The following MTOR variants were observed in gnomAD, a reference collection of about 807,000 sequenced individuals.
The protein encoded by MTOR is mechanistic target of rapamycin kinase.
In MTOR, 70 loss-of-function variants were observed where a neutral mutation model predicts 319.8. The observed-to-expected ratio is 0.22, with a 90% CI of 0.18 to 0.27. The LOEUF is 0.27. MTOR is among the 10% of genes least tolerant of loss of function. The pLI is 1.00. For synonymous variants in MTOR, 1,183 were observed against 1,211.4 expected (o/e 0.98, Z 0.49); for missense variants, 1,890 against 3,274.4 (o/e 0.58, Z 10.32).
chr1:11,183,868 T>C (rs1440844373), intron 28 of MTOR, among the ~76,000 whole-genome samples: 1 of 152,190 alleles, frequency 6.6e-6, no homozygotes, highest in Non-Finnish European at 1.5e-5. Flanking sequence ...GACTTAGCAG[T>C]CCTTTCCTCA....
At chr1:11,140,439 C>T (rs1168551654) in intron 34 of MTOR, among the ~76,000 whole-genome samples, 1 of 152,170 alleles carries the variant, frequency 6.6e-6, no homozygotes, top group Non-Finnish European at 1.5e-5. Context: ...TCCAATGTGG[C>T]TGCCGATCTG....
intron 53 of MTOR, among the ~76,000 whole-genome samples, chr1:11,113,892 G>T (rs1403693247): frequency 6.6e-6 from 1 of 152,184 alleles, no homozygotes; most frequent in Non-Finnish European, 1.5e-5. Context: ...CATGGGGATG[G>T]TTCCTCCATG....
chr1:11,210,566 C>T (rs1646278068), intron 24 of MTOR, among the ~76,000 whole-genome samples: 1 of 152,144 alleles, frequency 6.6e-6, no homozygotes, highest in Non-Finnish European at 1.5e-5. Context: ...ATTTAGGTGT[C>T]CATAAATAAA....
chr1:11,172,652 C>T (rs1247428142), intron 28 of MTOR, among the ~76,000 whole-genome samples: 4 of 151,270 alleles, frequency 2.6e-5, no homozygotes, highest in African/African-American at 4.8e-5. Flanking sequence ...GGGCGGATCA[C>T]GAGGTCAGGA....
intron 37 of MTOR, 23 bp downstream of exon 37, chr1:11,134,328 C>A (rs1241187842): frequency 6.2e-7 from 1 of 1,606,586 alleles, no homozygotes; most frequent in Non-Finnish European, 8.5e-7. Flanking sequence ...ATATGACTTG[C>A]CCCAGGTCAG....
Position 11,121,582 on chromosome 1 carries a change from G to A in MTOR, c.6811-214C>T, listed in dbSNP as rs1007853727. ...ACCCCAAGGCATAAGGGAAAAACAC[G>A]AGACTTCACCTCAGTTATAGGCCTT... is the stretch of plus-strand genomic sequence containing the variant. On this transcript the variant is annotated intron_variant, in intron 48 of 57. Coordinates refer to ENST00000361445, the MANE Select transcript of MTOR (RefSeq NM_004958.4). This position sits in a 1 kb window ranked among gnomAD's most constrained non-coding sequence, Gnocchi z 4.9. Among the ~76,000 whole-genome samples, 1 of 152,190 alleles carries A rather than the reference G, an allele frequency of 6.6e-6. No homozygotes were observed.
chr1:11,258,045 G>A (rs945557676), intron 3 of MTOR, among the ~76,000 whole-genome samples: 2 of 151,866 alleles, frequency 1.3e-5, no homozygotes, highest in Non-Finnish European at 2.9e-5. Flanking sequence ...AGGAGGCGGA[G>A]GTTGCAGCAA....
intron 19 of MTOR, among the ~76,000 whole-genome samples, chr1:11,222,622 AT>A (rs1370999833): frequency 4.6e-5 from 7 of 152,192 alleles, no homozygotes; most frequent in Admixed American, 2.0e-4. Flanking sequence ...TACAGCCACC[AT>A]GCCCAGCCAA....
chr1:11,226,937 G>A (rs1477623277), intron 19 of MTOR, among the ~76,000 whole-genome samples: 4 of 39,118 alleles, frequency 1.0e-4, no homozygotes, highest in Admixed American at 4.7e-4. Flanking sequence ...CCCCGCCCCC[G>A]CCCACCAGAC....
chr1:11,151,775 T>C (rs1169626295), intron 30 of MTOR, among the ~76,000 whole-genome samples: 1 of 152,180 alleles, frequency 6.6e-6, no homozygotes, highest in Non-Finnish European at 1.5e-5. Flanking sequence ...CTTCCAACCC[T>C]ATAGTTCAAA....
intron 5 of MTOR, among the ~76,000 whole-genome samples, chr1:11,255,283 TGAGGCAGGAGAATCACTTGAACCCAG>T (rs2100971553): frequency 6.8e-6 from 1 of 146,724 alleles, no homozygotes; most frequent in South Asian, 2.1e-4. Flanking sequence ...CTCGGGAGGC[TGAGGCAGGAGAATCACTTGAACCCAG>T]GAGGCAGAGG....
At chr1:11,151,263 C>T (rs1325333932) in intron 30 of MTOR, among the ~76,000 whole-genome samples, 4 of 152,186 alleles carry the variant, frequency 2.6e-5, no homozygotes, top group Non-Finnish European at 5.9e-5. Flanking sequence ...CGCAGTACAG[C>T]AGATATTAAC....
intron 28 of MTOR, chr1:11,194,405 G>C: frequency 6.5e-7 from 1 of 1,547,110 alleles, no homozygotes; most frequent in African/African-American, 1.4e-5. Context: ...GGGGTATAGA[G>C]ACAGCATGAA....
chr1:11,229,859 C>T (rs1646961318), intron 18 of MTOR, among the ~76,000 whole-genome samples: 1 of 152,076 alleles, frequency 6.6e-6, no homozygotes. Flanking sequence ...CGCCTGTAGT[C>T]CCAGCTACTT....
intron 25 of MTOR, 144 bp from the exon 26 acceptor site, chr1:11,204,847 A>C (rs1646087738): frequency 9.9e-7 from 1 of 1,005,760 alleles, no homozygotes; most frequent in Non-Finnish European, 1.4e-6. Context: ...CAAATACAAA[A>C]GAATAATATT....
chr1:11,257,248 A>G, intron 3 of MTOR, 83 bp from the exon 4 acceptor site: 1 of 1,239,422 alleles, frequency 8.1e-7, no homozygotes, highest in Non-Finnish European at 1.1e-6. Flanking sequence ...AAAGCTGGTG[A>G]GTGCCGGCCA....
Position 11,172,211 on chromosome 1 carries a change from C to A in MTOR, c.4254-4694G>T, listed in dbSNP as rs535378763. Among the ~76,000 whole-genome samples, 50 of 152,104 alleles carry A rather than the reference C, an allele frequency of 3.3e-4. No individual in the cohort carries two copies. The South Asian group carries it at 8.3e-3, about 25-fold the overall frequency. On this transcript the variant is annotated intron_variant, in intron 28 of 57. Coordinates refer to ENST00000361445, the MANE Select transcript of MTOR (RefSeq NM_004958.4). Reference sequence around the variant, plus strand: ...AGTGGCCATTAAACTTGGGGGTGCACCTTGGGATCCATGATAAGCTCTTAT... The same window carrying A: ...AGTGGCCATTAAACTTGGGGGTGCAACTTGGGATCCATGATAAGCTCTTAT...
intron 28 of MTOR, chr1:11,195,329 C>T (rs1458803576): frequency 1.2e-4 from 33 of 275,374 alleles, no homozygotes; most frequent in Admixed American, 1.2e-3. Context: ...CATGATTTGT[C>T]TGTGAAAGAA....
At chr1:11,119,689 T>G (rs1215121935) in intron 49 of MTOR, among the ~76,000 whole-genome samples, 2 of 146,654 alleles carry the variant, frequency 1.4e-5, no homozygotes, top group African/African-American at 5.1e-5. Flanking sequence ...GAGTATGTAG[T>G]GAGCCGAGAT....
Sources: gnomAD v4.1 joint callset for allele counts (sites outside exome capture counted in the v4.1 genomes callset) on GRCh38, gnomAD v4.1.1 for gene constraint, Gnocchi (gnomAD v3.1) non-coding constraint, MANE v1.5 for transcripts, NCBI Gene and HGNC (gene_info 2026-07-23, HGNC 2026-07-21) for gene names.